USP6NL: variants seen among roughly 807,000 people sequenced by gnomAD.
The protein encoded by USP6NL is USP6 N-terminal-like protein.
In USP6NL, 26 loss-of-function variants were observed where a neutral mutation model predicts 61.9. The observed-to-expected ratio is 0.42, with a 90% CI of 0.31 to 0.58. USP6NL has a LOEUF of 0.58. Among genes scored for constraint, USP6NL ranks in the 20% least tolerant of loss-of-function variants. The probability of loss-of-function intolerance (pLI) is 0.16; values close to 1 mark genes in which losing one functional copy is unlikely to be tolerated. For synonymous variants in USP6NL, 432 were observed against 390.1 expected, an observed-to-expected ratio of 1.11 and a Z score of -1.27; for missense variants, 1,114 against 1,034.3, an observed-to-expected ratio of 1.08 and a Z score of -1.06.
chr10:11,609,775 G>A (rs1588430759), intron 1 of USP6NL, among the ~76,000 whole-genome samples: 1 of 152,218 alleles, frequency 6.6e-6, no homozygotes, highest in Non-Finnish European at 1.5e-5. Context: ...GCTGGGGTGA[G>A]TAGTTCTCTT....
At position 11,476,604 on chromosome 10, in the gene USP6NL, T is replaced by C. The variant is rs1433266271; in HGVS notation, c.1078+5166A>G. Among the ~76,000 whole-genome samples, 1 of 152,208 alleles carries C rather than the reference T, an allele frequency of 6.6e-6. No individual in the cohort carries two copies. The highest frequency in any genetic ancestry group is 1.5e-5 in the Non-Finnish European group (1 of 68,036). ...TCATTTTTAATTTTTACATCATATT[T>C]CTCTGTATTTTTGATAGTTTTCATA... On this transcript the variant is annotated intron_variant, in intron 14 of 14. Transcript: ENST00000609104. This position sits in a 1 kb window ranked among gnomAD's most constrained non-coding sequence, Gnocchi z 4.3.
In USP6NL at chr10:11,462,206, T is replaced by C; in HGVS notation, c.*235A>G. On this transcript the variant is annotated 3_prime_UTR_variant, in exon 15 of 15. Transcript: ENST00000609104. ...CCACTGTGCGTGCATCCCTAAATGCTATTGCGATGTTTCCGGGTTAAATTC... is the reference window on the plus strand; with the variant it reads ...CCACTGTGCGTGCATCCCTAAATGCCATTGCGATGTTTCCGGGTTAAATTC... 1 of 522,824 alleles carries C rather than the reference T, an allele frequency of 1.9e-6. No homozygotes were observed. 32.4% of individuals were successfully genotyped at this position (522,824 alleles called of 1,614,324 possible). A position where few individuals can be genotyped will look rare whatever the true frequency, so the allele number is the denominator to read the frequency against.
chr10:11,516,183 G>C (rs972338598), intron 5 of USP6NL, among the ~76,000 whole-genome samples: 2 of 152,126 alleles, frequency 1.3e-5, no homozygotes, highest in Non-Finnish European at 2.9e-5. Flanking sequence ...AATCCTCTTA[G>C]GAAGGACTGT....
intron 2 of USP6NL, among the ~76,000 whole-genome samples, chr10:11,572,635 C>T (rs1354107084): frequency 6.6e-6 from 1 of 152,000 alleles, no homozygotes; most frequent in Non-Finnish European, 1.5e-5. Flanking sequence ...TACTTTAAAA[C>T]ACAGATTATA....
intron 1 of USP6NL, among the ~76,000 whole-genome samples, chr10:11,603,156 G>C (rs987991922): frequency 1.3e-5 from 2 of 152,100 alleles, no homozygotes; most frequent in South Asian, 2.1e-4. Context: ...TGGTTTCATC[G>C]GTTTCTTTAC....
rs2133676926 is a variant in USP6NL at position 11,600,484 on chromosome 10, G to T, written c.-83-2767C>A. Among the ~76,000 whole-genome samples the T allele has an allele frequency of 6.6e-6, 1 of 152,286 alleles. No homozygotes were observed. Among genetic ancestry groups the T allele is most frequent in the East Asian group, 1.9e-4 (1 of 5,188 alleles). On this transcript the variant is annotated intron_variant, in intron 1 of 14. Transcript: ENST00000609104. The surrounding 1 kb of genome is among the most constrained non-coding windows in gnomAD (Gnocchi z 4.1). ...GCTAGAAAGAAACGTCTGGTGTTGT[G>T]CACTGAAAGTTTGCAGTCGTTACAC...
chr10:11,466,264 G>C (rs545896780), intron 14 of USP6NL, among the ~76,000 whole-genome samples: 2 of 152,296 alleles, frequency 1.3e-5, no homozygotes, highest in East Asian at 3.9e-4. Flanking sequence ...CAATATTCTA[G>C]GTTTGAACTA....
chr10:11,482,557 A>G lies in USP6NL; in HGVS notation c.926-635T>C, dbSNP rs1833242662. 6.6e-6 allele frequency among the ~76,000 whole-genome samples: 1 copy of G among 152,196 alleles called. No homozygotes were observed. Among genetic ancestry groups the G allele is most frequent in the Non-Finnish European group, 1.5e-5 (1 of 68,036 alleles). On this transcript the variant is annotated intron_variant, in intron 13 of 14. Coordinates refer to ENST00000609104, the MANE Select transcript of USP6NL (RefSeq NM_014688.5). The surrounding 1 kb of genome is among the most constrained non-coding windows in gnomAD (Gnocchi z 4.0). ...TATGTATATCAATTGAAGAATCCAA[A>G]TTATACTTTTCAAGTTATTCCCCTT...
At chr10:11,498,314 C>A (rs1324739915) in intron 7 of USP6NL, among the ~76,000 whole-genome samples, 1 of 145,814 alleles carries the variant, frequency 6.9e-6, no homozygotes, top group Non-Finnish European at 1.5e-5. Flanking sequence ...CACACTAAGG[C>A]TGTGGATGAA....
rs1256119801 is a variant in USP6NL, at chr10:11,520,100, T to A, written c.156-1526A>T. ...TCTCTCATTTCACAGATAATACAAC[T>A]AACATTTTCACTTAGTCGAGAGACT... On this transcript the variant is annotated intron_variant, in intron 4 of 14. Transcript: ENST00000609104. The surrounding 1 kb of genome is among the most constrained non-coding windows in gnomAD (Gnocchi z 5.2). Among the ~76,000 whole-genome samples, 1 of 152,170 alleles carries A rather than the reference T, an allele frequency of 6.6e-6. No individual in the cohort carries two copies. Among genetic ancestry groups the A allele is most frequent in the Non-Finnish European group, 1.5e-5 (1 of 68,034 alleles).
intron 2 of USP6NL, among the ~76,000 whole-genome samples, chr10:11,571,462 T>C (rs1439972263): frequency 1.3e-5 from 2 of 152,172 alleles, no homozygotes; most frequent in East Asian, 3.8e-4. Flanking sequence ...AGGAAAACTA[T>C]TTGATAAAAA....
In USP6NL at chr10:11,562,651, A is replaced by G. The variant is rs1056696567; in HGVS notation, c.4+34980T>C. 1 of 985,422 alleles carries G rather than the reference A, an allele frequency of 1.0e-6. No individual in the cohort carries two copies. The highest frequency in any genetic ancestry group is 1.2e-6 in the Non-Finnish European group (1 of 829,934). The allele number at this position is 985,422 out of a possible 1,614,324, so 61.0% of individuals were successfully genotyped here. On this transcript the variant is annotated intron_variant, in intron 2 of 14. Coordinates refer to ENST00000609104, the MANE Select transcript of USP6NL (RefSeq NM_014688.5). The surrounding 1 kb of genome is among the most constrained non-coding windows in gnomAD (Gnocchi z 4.8). ...GAACAGTCCTCTAATTATTTGTGAC[A>G]CTCAACATTCATATGTTGTTAGCCA...
chr10:11,581,320 G>A (rs540331981), intron 2 of USP6NL, among the ~76,000 whole-genome samples: 8 of 152,286 alleles, frequency 5.3e-5, no homozygotes, highest in East Asian at 1.9e-4. Flanking sequence ...TGGAACTAAC[G>A]TGTTTTCACA....
At chr10:11,501,511 T>G (rs1834193419) in intron 6 of USP6NL, among the ~76,000 whole-genome samples, 1 of 152,250 alleles carries the variant, frequency 6.6e-6, no homozygotes, top group Admixed American at 6.5e-5. Context: ...GTGCTCTTTT[T>G]AAAGGTGTGA....
At position 11,518,901 on chromosome 10, in the gene USP6NL, T is replaced by C. The variant is rs1430380831; in HGVS notation, c.156-327A>G. Among the ~76,000 whole-genome samples, 1 of 152,240 alleles carries C rather than the reference T, an allele frequency of 6.6e-6. No individual in the cohort carries two copies. Among genetic ancestry groups the C allele is most frequent in the African/African-American group, 2.4e-5 (1 of 41,456 alleles). On this transcript the variant is annotated intron_variant, in intron 4 of 14. Coordinates refer to ENST00000609104, the MANE Select transcript of USP6NL (RefSeq NM_014688.5). The surrounding 1 kb of genome is among the most constrained non-coding windows in gnomAD (Gnocchi z 5.3). ...TTCAAGTGCATGAATGTCACGTAGC[T>C]AGAAGCCACCATATTGAACGGTACA...
Position 11,527,553 on chromosome 10 carries a change from C to G in USP6NL, c.19G>C (p.Val7Leu). 1.2e-6 allele frequency: 2 copies of G among 1,609,356 alleles called. No individual in the cohort carries two copies. Among genetic ancestry groups the G allele is most frequent in the Non-Finnish European group, 1.7e-6 (2 of 1,177,688 alleles). MNSDQD[V>L]ALKLAQERAE... Reference sequence around the variant, plus strand: ...CGCTCCTGGGCAAGTTTGAGTGCTACATCCTGGTCTGAATCTGTGGAGAAG... The same window carrying G: ...CGCTCCTGGGCAAGTTTGAGTGCTAGATCCTGGTCTGAATCTGTGGAGAAG... The change falls in exon 3 of 15, where the codon GTA becomes CTA. Residue 7 changes from valine (V) to leucine (L), a missense_variant. Coordinates refer to ENST00000609104, the MANE Select transcript of USP6NL (RefSeq NM_014688.5).
intron 2 of USP6NL, among the ~76,000 whole-genome samples, chr10:11,547,359 GC>G (rs1274394061): frequency 3.9e-5 from 6 of 152,108 alleles, no homozygotes; most frequent in Admixed American, 1.3e-4. Flanking sequence ...AAAGGGAGGC[GC>G]TCTGAAGTTT....
chr10:11,493,445 CT>C (rs1382840496), intron 7 of USP6NL, among the ~76,000 whole-genome samples: 1 of 152,206 alleles, frequency 6.6e-6, no homozygotes, highest in Non-Finnish European at 1.5e-5. Context: ...CCCTCTTCCC[CT>C]ACCTTCCTTC....
At position 11,462,698 on chromosome 10, in the gene USP6NL, TG is replaced by T. The variant is rs1449078906; in HGVS notation, c.2229del (p.Tyr743Ter). Reference protein sequence around the residue: ...NRTWSEVSYTYRPETQGQSWT... With the variant: ...NRTWSEVSYTXRPETQGQSWT... ...CATGATTGTCCCTGCGTCTCAGGTC[TG>T]TATGTATAACTAACTTCTGACCATG... On this transcript the variant is annotated frameshift_variant, in exon 15 of 15. Transcript: ENST00000609104. LOFTEE classifies it low-confidence loss of function (END_TRUNC). The T allele has an allele frequency of 6.2e-7, 1 of 1,614,036 alleles. No homozygotes were observed. The highest frequency in any genetic ancestry group is 1.7e-5 in the Admixed American group (1 of 60,038).
Sources: gnomAD v4.1 joint callset for allele counts (sites outside exome capture counted in the v4.1 genomes callset) on GRCh38, gnomAD v4.1.1 for gene constraint, Gnocchi (gnomAD v3.1) non-coding constraint, MANE v1.5 for transcripts, NCBI Gene and HGNC (gene_info 2026-07-23, HGNC 2026-07-21) for gene names.